Variants in SP1 observed in about 807,000 individuals in gnomAD.
The protein encoded by SP1 is transcription factor Sp1.
SP1 carries 6 observed loss-of-function variants against 66.3 expected under a neutral mutation model. That is an observed-to-expected ratio of 0.09 (90% CI 0.05 to 0.18). SP1 has a LOEUF of 0.18. Ranked by LOEUF, SP1 falls within the 10% of genes least tolerant of loss-of-function variation. The probability of loss-of-function intolerance (pLI) is 1.00; values close to 1 mark genes in which losing one functional copy is unlikely to be tolerated. For synonymous variants in SP1, 417 were observed against 360.8 expected (o/e 1.16, Z -1.77); for missense variants, 848 against 964.5 (o/e 0.88, Z 1.60).
At chr12:53,402,250 T>A (rs1938623178) in intron 3 of SP1, among the ~76,000 whole-genome samples, 1 of 150,058 alleles carries the variant, frequency 6.7e-6, no homozygotes. Flanking sequence ...TAAGACGGAG[T>A]TTTGCTCTTG....
intron 3 of SP1, among the ~76,000 whole-genome samples, chr12:53,395,487 AC>A (rs774021157): frequency 6.6e-6 from 1 of 152,228 alleles, no homozygotes; most frequent in Non-Finnish European, 1.5e-5. Context: ...TAGTTAACTT[AC>A]ATAGGCATTT....
chr12:53,380,829 G>C (rs1227597587), intron 1 of SP1: 1 of 168,956 alleles, frequency 5.9e-6, no homozygotes, highest in Non-Finnish European at 1.2e-5. Context: ...GAAACCTTCT[G>C]ACTACTAACC....
At chr12:53,401,121 T>C (rs969544920) in intron 3 of SP1, among the ~76,000 whole-genome samples, 3 of 152,106 alleles carry the variant, frequency 2.0e-5, no homozygotes, top group African/African-American at 7.2e-5. Context: ...ATTACTATCC[T>C]TGGCAGTCTT....
In SP1 at chr12:53,411,396, G is replaced by C; in HGVS notation, c.*156G>C. 1.7e-6 allele frequency: 1 copy of C among 603,280 alleles called. No homozygotes were observed. The highest frequency in any genetic ancestry group is 2.8e-6 in the Non-Finnish European group (1 of 354,392). The allele number at this position is 603,280 out of a possible 1,614,324, so 37.4% of individuals were successfully genotyped here. A position where few individuals can be genotyped will look rare whatever the true frequency, so the allele number is the denominator to read the frequency against. On this transcript the variant is annotated 3_prime_UTR_variant, in exon 6 of 6. Transcript: ENST00000327443. ...GAGAGGGATACAAGAGAGGAGATGG[G>C]GTCCCGGCACCCATCTGTATCATCA...
intron 4 of SP1, among the ~76,000 whole-genome samples, chr12:53,408,509 C>A (rs1938802554): frequency 6.6e-6 from 1 of 151,578 alleles, no homozygotes; most frequent in Non-Finnish European, 1.5e-5. Context: ...CCAGGCTGGT[C>A]TCGGATCCCT....
intron 3 of SP1, among the ~76,000 whole-genome samples, chr12:53,404,842 T>C (rs998925199): frequency 6.6e-6 from 1 of 151,842 alleles, no homozygotes; most frequent in South Asian, 2.1e-4. Context: ...AGCTAATTAT[T>C]ATTATTATTT....
intron 1 of SP1, among the ~76,000 whole-genome samples, chr12:53,380,946 C>CTTTTTTTTTT (rs35296566): frequency 9.9e-6 from 1 of 100,800 alleles, no homozygotes; most frequent in African/African-American, 4.9e-5. Flanking sequence ...TTTTGTTTGT[C>CTTTTTTTTTT]TTTTTTTTTT....
In SP1 at chr12:53,414,504, A is replaced by T. The variant is rs1027512977; in HGVS notation, c.*3264A>T. On this transcript the variant is annotated 3_prime_UTR_variant, in exon 6 of 6. Coordinates refer to ENST00000327443, the MANE Select transcript of SP1 (RefSeq NM_138473.3). Reference sequence around the variant, plus strand: ...GAAAGTATATACTGAAGTGTGGGATAAAGATTATGATTAGGGGAGGGTTGG... The same window carrying T: ...GAAAGTATATACTGAAGTGTGGGATTAAGATTATGATTAGGGGAGGGTTGG... The T allele has an allele frequency of 6.6e-6, 1 of 152,634 alleles. No homozygotes were observed. The highest frequency in any genetic ancestry group is 2.4e-5 in the African/African-American group (1 of 41,450). The allele number at this position is 152,634 out of a possible 1,614,324, so 9.5% of individuals were successfully genotyped here.
rs1319502759 is a variant in SP1, at chr12:53,415,525, C to T, written c.*4285C>T. On this transcript the variant is annotated 3_prime_UTR_variant, in exon 6 of 6. Coordinates refer to ENST00000327443, the MANE Select transcript of SP1 (RefSeq NM_138473.3). ...TCATTTGAAAGAGGAGTATTTTGTCCCATTTTCCCCTTCCTCATTATCAAA... is the reference window on the plus strand; with the variant it reads ...TCATTTGAAAGAGGAGTATTTTGTCTCATTTTCCCCTTCCTCATTATCAAA... 1.3e-5 allele frequency: 2 copies of T among 152,298 alleles called. No individual in the cohort carries two copies. Among genetic ancestry groups the T allele is most frequent in the Non-Finnish European group, 2.9e-5 (2 of 68,002 alleles). 9.4% of individuals were successfully genotyped at this position (152,298 alleles called of 1,614,324 possible). A position where few individuals can be genotyped will look rare whatever the true frequency, so the allele number is the denominator to read the frequency against.
intron 3 of SP1, among the ~76,000 whole-genome samples, chr12:53,385,708 T>C (rs1484539057): frequency 6.6e-6 from 1 of 150,900 alleles, no homozygotes; most frequent in Non-Finnish European, 1.5e-5. Context: ...AGGTCAGGAG[T>C]TCAAGACCAG....
intron 3 of SP1, among the ~76,000 whole-genome samples, chr12:53,392,561 T>G (rs1161502896): frequency 2.7e-5 from 4 of 150,854 alleles, no homozygotes; most frequent in Admixed American, 6.6e-5. Flanking sequence ...GTTTCACCGT[T>G]TTAGCCGGGA....
Position 53,406,730 on chromosome 12 carries a change from C to G in SP1, c.1821C>G (p.Pro607=). The change falls in exon 4 of 6, where the codon CCC becomes CCG. Residue 607 remains proline (P), a synonymous_variant. Transcript: ENST00000327443. ...RRTRREACTC[P]YCKDSEGRGS... ...CCCGGCGGGAAGCATGCACCTGCCC[C>G]TACTGTAAAGACAGTGAAGGAAGGT... 6.2e-7 allele frequency: 1 copy of G among 1,613,924 alleles called. No homozygotes were observed. The highest frequency in any genetic ancestry group is 1.3e-5 in the African/African-American group (1 of 75,018).
At chr12:53,386,109 AT>A (rs909639194) in intron 3 of SP1, among the ~76,000 whole-genome samples, 5 of 151,548 alleles carry the variant, frequency 3.3e-5, no homozygotes, top group Admixed American at 6.6e-5. Context: ...TCAGGATTGA[AT>A]TTTTTTTTAA....
At chr12:53,401,357 A>G (rs1283792488) in intron 3 of SP1, among the ~76,000 whole-genome samples, 2 of 150,610 alleles carry the variant, frequency 1.3e-5, no homozygotes, top group African/African-American at 4.9e-5. Flanking sequence ...AGGCTGAGGC[A>G]GGAGAATCAC....
intron 4 of SP1, 68 bp from the exon 5 acceptor site, chr12:53,409,294 T>C: frequency 1.5e-6 from 2 of 1,301,438 alleles, no homozygotes; most frequent in Non-Finnish European, 2.2e-6. Flanking sequence ...GGGTGATTGC[T>C]GTTGATACTT....
chr12:53,395,165 A>C (rs1323063133), intron 3 of SP1, among the ~76,000 whole-genome samples: 1 of 151,792 alleles, frequency 6.6e-6, no homozygotes, highest in Non-Finnish European at 1.5e-5. Flanking sequence ...ACATGGTGAA[A>C]CCTCGTCTCA....
intron 1 of SP1, 90 bp downstream of exon 1, chr12:53,380,388 G>C: frequency 8.4e-7 from 1 of 1,186,446 alleles, no homozygotes; most frequent in Non-Finnish European, 1.1e-6. Flanking sequence ...CCGTGAAGCG[G>C]GGGCGGGCGG....
rs137928605 is a variant in SP1 at position 53,383,459 on chromosome 12, C to G, written c.1512C>G (p.Pro504=). 32 of 1,614,234 alleles carry G rather than the reference C, an allele frequency of 2.0e-5. No individual in the cohort carries two copies. The African/African-American group carries it at 3.6e-4, about 18-fold the overall frequency. Residue 504 remains proline, a synonymous_variant, in exon 3 of 6, where the codon CCC becomes CCG. Transcript: ENST00000327443. ...GCAGCAGCAACACCACTCTCACACC[C>G]ATTGCCTCAGCTGCTTCCATTCCTG... ...QTSSSNTTLT[P]IASAASIPAG... is the part of the protein sequence containing the mutation.
Position 53,415,299 on chromosome 12 carries a change from TTGTC to T in SP1, c.*4062_*4065del, listed in dbSNP as rs1259735111. 1.3e-5 allele frequency: 2 copies of T among 152,498 alleles called. No individual in the cohort carries two copies. Among genetic ancestry groups the T allele is most frequent in the Non-Finnish European group, 2.9e-5 (2 of 68,062 alleles). The allele number at this position is 152,498 out of a possible 1,614,324, so 9.4% of individuals were successfully genotyped here. ...AGCTTTGAGGTTGACCTGTTTCTCT[TTGTC>T]TGCCTTCCCAAAACACCAGCCCCCA... is the stretch of plus-strand genomic sequence containing the variant. On this transcript the variant is annotated 3_prime_UTR_variant, in exon 6 of 6. Coordinates refer to ENST00000327443, the MANE Select transcript of SP1 (RefSeq NM_138473.3).
Sources: allele counts gnomAD v4.1 joint callset (sites outside exome capture counted in the v4.1 genomes callset), GRCh38; gene constraint gnomAD v4.1.1; transcripts MANE v1.5; gene names NCBI Gene and HGNC (gene_info 2026-07-23, HGNC 2026-07-21).